Variants in SDSL observed in about 807,000 individuals in gnomAD.
SDSL encodes the protein serine dehydratase like.
SDSL carries 26 observed loss-of-function variants against 27.6 expected under a neutral mutation model. The observed-to-expected ratio is 0.94, with a 90% CI of 0.69 to 1.31. The LOEUF is 1.31. Ranked by LOEUF, SDSL falls within the 50% of genes most tolerant of loss-of-function variation. SDSL has a pLI of 0.00. For missense variants in SDSL, 431 were observed against 423.5 expected (o/e 1.02, Z -0.16); for synonymous variants, 196 against 180.6 (o/e 1.09, Z -0.69).
chr12:113,430,707 C>A (rs1957911537), intron 4 of SDSL, among the ~76,000 whole-genome samples: 1 of 152,138 alleles, frequency 6.6e-6, no homozygotes, highest in African/African-American at 2.4e-5. Context: ...GGGGAGGGGA[C>A]ATGTGCTCCA....
chr12:113,429,187 A>T lies in SDSL; in HGVS notation c.242A>T (p.Tyr81Phe). The change falls in exon 4 of 8, where the codon TAT (tyrosine) becomes TTT (phenylalanine). Residue 81 changes from tyrosine (Y) to phenylalanine (F), a missense_variant. Tyr to Phe is a conservative substitution (Grantham distance 22). Transcript: ENST00000403593. ...SGGNAGIAAA[Y>F]AARKLGIPAT... ...GGTAATGCGGGCATCGCTGCTGCCT[A>T]TGCTGCTAGGAAGCTGGGCATTCCT... The T allele has an allele frequency of 6.2e-7, 1 of 1,613,750 alleles. No homozygotes were observed. Among genetic ancestry groups the T allele is most frequent in the Non-Finnish European group, 8.5e-7 (1 of 1,179,854 alleles).
Position 113,435,319 on chromosome 12 carries a change from C to T in SDSL, c.444-10C>T, listed in dbSNP as rs778666475. 1.9e-5 allele frequency: 28 copies of T among 1,491,404 alleles called. No homozygotes were observed. Among genetic ancestry groups the T allele is most frequent in the Non-Finnish European group, 2.5e-5 (28 of 1,116,274 alleles). 92.4% of individuals were successfully genotyped at this position (1,491,404 alleles called of 1,614,324 possible). On this transcript the variant is annotated splice_polypyrimidine_tract_variant and intron_variant, in intron 5 of 7. Transcript: ENST00000403593. ...TCACTCTGCTTCTCCCTCTCACCCC[C>T]CCTCCCCAGGAAAGGCCACGCCAGC...
intron 2 of SDSL, 126 bp from the exon 3 acceptor site, chr12:113,428,294 G>A: frequency 7.6e-7 from 1 of 1,310,360 alleles, no homozygotes; most frequent in Non-Finnish European, 1.1e-6. Flanking sequence ...GTAAGGGCAG[G>A]GCTGTGGGCA....
At position 113,438,038 on chromosome 12, in the gene SDSL, C is replaced by T. The variant is rs765450909; in HGVS notation, c.949C>T (p.Arg317Ter). 32 of 1,613,958 alleles carry T rather than the reference C, an allele frequency of 2.0e-5. No individual in the cohort carries two copies. The highest frequency in any genetic ancestry group is 3.3e-5 in the South Asian group (3 of 91,070). Residue 317 changes from arginine to a stop codon, truncating the protein, a stop_gained, in exon 8 of 8, where the codon CGA (arginine) becomes TGA (stop). Coordinates refer to ENST00000403593, the MANE Select transcript of SDSL (RefSeq NM_001304993.2). LOFTEE classifies it high-confidence loss of function. ...IVCGGNNINSRELQALKTHLG... is the reference protein window; with the variant it reads ...IVCGGNNINS ...GTGTGGAGGCAACAACATCAACAGC[C>T]GAGAGCTGCAGGCTTTGAAAACCCA...
chr12:113,428,741 G>A (rs1257996218), intron 3 of SDSL, among the ~76,000 whole-genome samples: 1 of 152,086 alleles, frequency 6.6e-6, no homozygotes, highest in Non-Finnish European at 1.5e-5. Context: ...GGATCCAGGA[G>A]CTCTCCTCTC....
chr12:113,430,604 G>A (rs771839640), intron 4 of SDSL, among the ~76,000 whole-genome samples: 2 of 152,074 alleles, frequency 1.3e-5, no homozygotes, highest in Non-Finnish European at 2.9e-5. Context: ...AACGCATGAC[G>A]GCTCTTAAGA....
intron 1 of SDSL, chr12:113,426,163 C>T: frequency 2.2e-6 from 1 of 455,912 alleles, no homozygotes; most frequent in Middle Eastern, 3.3e-4. Flanking sequence ...CTGCCCCAAA[C>T]CCCTTCTGTC....
chr12:113,430,186 C>CCTGCTATGTT (rs1205395813), intron 4 of SDSL, among the ~76,000 whole-genome samples: 2 of 152,088 alleles, frequency 1.3e-5, no homozygotes, highest in Non-Finnish European at 2.9e-5. Flanking sequence ...ATATTCAGTA[C>CCTGCTATGTT]CTGCTATGTT....
chr12:113,432,270 TTCTTTC>T (rs1555210080), intron 4 of SDSL, among the ~76,000 whole-genome samples: 1 of 116,266 alleles, frequency 8.6e-6, no homozygotes, highest in African/African-American at 3.2e-5. Context: ...CTTTCTTTCT[TTCTTTC>T]TTTCTTTCTT....
chr12:113,434,843 G>A (rs150192938), intron 5 of SDSL, among the ~76,000 whole-genome samples: 3,181 of 152,286 alleles, frequency 0.021, 122 homozygotes, highest in African/African-American at 0.072. Context: ...GGCCAGGCGC[G>A]GTGGCTCACG....
rs755153312 is a variant in SDSL, at chr12:113,436,879, A to G, written c.796+4A>G. ...AGCGCTGTGCAGCAGCTCCTGGGTG[A>G]GTGATCCCTGTCCTCCACCTGGGCT... On this transcript the variant is annotated splice_donor_region_variant and intron_variant, in intron 7 of 7. Coordinates refer to ENST00000403593, the MANE Select transcript of SDSL (RefSeq NM_001304993.2). 2 of 1,589,876 alleles carry G rather than the reference A, an allele frequency of 1.3e-6. No individual in the cohort carries two copies. The highest frequency in any genetic ancestry group is 1.7e-6 in the Non-Finnish European group (2 of 1,170,788).
chr12:113,430,173 C>A (rs1297613453), intron 4 of SDSL, among the ~76,000 whole-genome samples: 1 of 152,010 alleles, frequency 6.6e-6, no homozygotes, highest in African/African-American at 2.4e-5. Flanking sequence ...ATTGATTGAG[C>A]ACATATTCAG....
chr12:113,434,237 C>T lies in SDSL; in HGVS notation c.443+15C>T, dbSNP rs1319400520. The T allele has an allele frequency of 6.3e-7, 1 of 1,586,190 alleles. No individual in the cohort carries two copies. Among genetic ancestry groups the T allele is most frequent in the Non-Finnish European group, 8.6e-7 (1 of 1,161,246 alleles). On this transcript the variant is annotated intron_variant, in intron 5 of 7. Transcript: ENST00000403593. ...CCCCTAATATGGTAAGGCTGACGCC[C>T]CTCTCCCCAGGAGTCCAGAGCTGGG...
At chr12:113,436,995 T>TA in intron 7 of SDSL, 120 bp downstream of exon 7, 1 of 1,024,508 alleles carries the variant, frequency 9.8e-7, no homozygotes, top group South Asian at 2.0e-5. Context: ...GGTGTGCAGT[T>TA]ACTGTGCACT....
intron 5 of SDSL, among the ~76,000 whole-genome samples, 200 bp from the exon 6 acceptor site, chr12:113,435,129 A>G (rs2136959898): frequency 6.6e-6 from 1 of 152,172 alleles, no homozygotes; most frequent in East Asian, 1.9e-4. Flanking sequence ...AATAAAAATA[A>G]AGAGAATGAA....
intron 4 of SDSL, among the ~76,000 whole-genome samples, chr12:113,431,192 G>C (rs551981044): frequency 1.3e-5 from 2 of 152,384 alleles, no homozygotes; most frequent in East Asian, 3.9e-4. Flanking sequence ...CCCAGCGTCA[G>C]GGAGGGATGG....
Position 113,434,122 on chromosome 12 carries a change from G to A in SDSL, c.355-12G>A. Reference sequence around the variant, plus strand: ...CTCCCGGCTGTTCTGAGGGCCCTTGGTTTCTCTGTAGGTCTGGGACGAGGC... The same window carrying A: ...CTCCCGGCTGTTCTGAGGGCCCTTGATTTCTCTGTAGGTCTGGGACGAGGC... On this transcript the variant is annotated splice_polypyrimidine_tract_variant and intron_variant, in intron 4 of 7. Transcript: ENST00000403593. 1 of 1,611,744 alleles carries A rather than the reference G, an allele frequency of 6.2e-7. No homozygotes were observed. The highest frequency in any genetic ancestry group is 8.5e-7 in the Non-Finnish European group (1 of 1,178,750).
chr12:113,433,190 T>C (rs1476057993), intron 4 of SDSL, among the ~76,000 whole-genome samples: 1 of 152,210 alleles, frequency 6.6e-6, no homozygotes, highest in Non-Finnish European at 1.5e-5. Context: ...TTCAGCCAGA[T>C]GGGAAATTCC....
At chr12:113,425,515 G>GC (rs895539932) in intron 1 of SDSL, 68 of 373,186 alleles carry the variant, frequency 1.8e-4, no homozygotes, top group Admixed American at 5.6e-4. Flanking sequence ...AAGTTGCAGC[G>GC]CCCCCCCTAG....
Sources: gnomAD v4.1 joint callset for allele counts (sites outside exome capture counted in the v4.1 genomes callset) on GRCh38, gnomAD v4.1.1 for gene constraint, MANE v1.5 for transcripts, NCBI Gene and HGNC (gene_info 2026-07-23, HGNC 2026-07-21) for gene names.